The following B4GALT6 variants were observed in gnomAD, a reference collection of about 807,000 sequenced individuals.
The protein encoded by B4GALT6 is UDP-Gal:beta-GlcNAc beta-1,4-galactosyltransferase 6.
Under a neutral mutation model 46.3 loss-of-function variants are expected in B4GALT6, and 14 were observed. The ratio of observed to expected loss-of-function variants is 0.30; its 90% confidence interval spans 0.20 to 0.47. B4GALT6 has a LOEUF of 0.47. Ranked by LOEUF, B4GALT6 falls within the 20% of genes least tolerant of loss-of-function variation. The pLI is 0.99. For synonymous variants in B4GALT6, 168 were observed against 162.0 expected, an observed-to-expected ratio of 1.04 and a Z score of -0.28; for missense variants, 386 against 480.1, an observed-to-expected ratio of 0.80 and a Z score of 1.83.
At chr18:31,625,817 C>T in intron 8 of B4GALT6, 56 bp from the exon 9 acceptor site, 2 of 1,426,576 alleles carry the variant, frequency 1.4e-6, no homozygotes, top group Non-Finnish European at 1.9e-6. Context: ...AAAAGGAAAA[C>T]TGATAAGGAC....
Position 31,684,349 on chromosome 18 carries a change from C to G in B4GALT6, c.78G>C (p.Ser26=), listed in dbSNP as rs745989884. ...CCACATAGATGAAGTACAGACAGGA[C>G]GAAGAGAGGGAGAAGAAGAAGATGA... The part of the protein sequence containing the change: ...LAFIFFFSLS[S]SCLYFIYVAP... The change falls in exon 1 of 9, where the codon TCG becomes TCC. Residue 26 remains serine, a synonymous_variant. Coordinates refer to ENST00000306851, the MANE Select transcript of B4GALT6 (RefSeq NM_004775.5). 1.2e-6 allele frequency: 2 copies of G among 1,613,298 alleles called. No individual in the cohort carries two copies. Among genetic ancestry groups the G allele is most frequent in the Admixed American group, 3.3e-5 (2 of 59,946 alleles).
chr18:31,689,516 G>A (rs369661587), upstream of B4GALT6, among the ~76,000 whole-genome samples: 4 of 152,196 alleles, frequency 2.6e-5, no homozygotes, highest in Admixed American at 6.5e-5. Context: ...AGACCAAGGC[G>A]GGTGGATCAC....
At chr18:31,708,042 T>C in the B4GALT6 span, among the ~76,000 whole-genome samples, 7 of 152,334 alleles carry the variant, frequency 4.6e-5, no homozygotes, top group South Asian at 1.4e-3. Context: ...CATGAATCTA[T>C]CATGAGTTGA....
intron 1 of B4GALT6, among the ~76,000 whole-genome samples, chr18:31,669,054 C>G (rs2074317757): frequency 6.6e-6 from 1 of 151,140 alleles, no homozygotes; most frequent in African/African-American, 2.4e-5. Flanking sequence ...GACACCTGTT[C>G]CAATTCCTCT....
At position 31,638,742 on chromosome 18, in the gene B4GALT6, A is replaced by C; in HGVS notation, c.490T>G (p.Phe164Val). The C allele has an allele frequency of 6.2e-7, 1 of 1,613,622 alleles. No individual in the cohort carries two copies. The highest frequency in any genetic ancestry group is 1.1e-5 in the South Asian group (1 of 91,072). The change falls in exon 5 of 9, where the codon TTC becomes GTC. Residue 164 changes from phenylalanine (F) to valine (V), a missense_variant. This residue lies in a region of B4GALT6 where 323 missense variants were observed against 438.9 expected (regional missense o/e 0.74). Coordinates refer to ENST00000306851, the MANE Select transcript of B4GALT6 (RefSeq NM_004775.5). ...GGAAGATGTTCATGGCGATTACGGAAAGGAATGAGAACTGCCACCTTTAAA... is the reference window on the plus strand; with the variant it reads ...GGAAGATGTTCATGGCGATTACGGACAGGAATGAGAACTGCCACCTTTAAA... ...PRWKVAVLIP[F>V]RNRHEHLPIF...
Position 31,645,391 on chromosome 18 carries a change from A to T in B4GALT6, c.435T>A (p.Gly145=). Residue 145 remains glycine (G), a synonymous_variant, in exon 4 of 9, where the codon GGT becomes GGA. Coordinates refer to ENST00000306851, the MANE Select transcript of B4GALT6 (RefSeq NM_004775.5). The stretch of plus-strand genomic sequence containing the variant: ...GTTTACAGTCTTTTGGCCTCCAATG[A>T]CCCCCTGGCTCAATATCTAAATCCT... The part of the protein sequence containing the change: ...FSKDLDIEPG[G]HWRPKDCKPR... 1 of 1,613,756 alleles carries T rather than the reference A, an allele frequency of 6.2e-7. No homozygotes were observed. Among genetic ancestry groups the T allele is most frequent in the Non-Finnish European group, 8.5e-7 (1 of 1,179,894 alleles).
At chr18:31,674,393 T>G (rs1230182574) in intron 1 of B4GALT6, among the ~76,000 whole-genome samples, 2 of 152,176 alleles carry the variant, frequency 1.3e-5, no homozygotes, top group East Asian at 1.9e-4. Flanking sequence ...ATATGAGAGA[T>G]AAACCAGATT....
intron 1 of B4GALT6, among the ~76,000 whole-genome samples, chr18:31,682,628 T>C (rs1482279962): frequency 6.6e-6 from 1 of 152,160 alleles, no homozygotes; most frequent in African/African-American, 2.4e-5. Flanking sequence ...AAGGGATGAC[T>C]AGAATTCTGA....
At chr18:31,711,017 T>G in the B4GALT6 span, among the ~76,000 whole-genome samples, 6 of 152,186 alleles carry the variant, frequency 3.9e-5, no homozygotes, top group Non-Finnish European at 8.8e-5. Context: ...TAGAAGACCT[T>G]CTGTAATGCA....
rs145475664 is a variant in B4GALT6 at position 31,680,054 on chromosome 18, A to G, written c.115+4258T>C. Among the ~76,000 whole-genome samples the G allele has an allele frequency of 9.3e-4, 142 of 152,330 alleles. 1 individual carries two copies. In the East Asian group the frequency reaches 0.026, roughly 28 times the overall value. ...CTGTTACTCACAGGACAAAAAAAGC[A>G]TGGGACATGTGGCCAGTAAGGGAGG... is the stretch of plus-strand genomic sequence containing the variant. On this transcript the variant is annotated intron_variant, in intron 1 of 8. Coordinates refer to ENST00000306851, the MANE Select transcript of B4GALT6 (RefSeq NM_004775.5).
chr18:31,633,603 C>G (rs1273660313), intron 5 of B4GALT6, among the ~76,000 whole-genome samples: 1 of 152,176 alleles, frequency 6.6e-6, no homozygotes. Context: ...TCACCCTGCA[C>G]TTCCTTATTT....
the B4GALT6 span, among the ~76,000 whole-genome samples, chr18:31,713,082 A>G: frequency 1.3e-5 from 2 of 152,314 alleles, no homozygotes; most frequent in South Asian, 2.1e-4. Context: ...GCCAGGCACA[A>G]TGGCCCATGC....
chr18:31,626,251 A>G, intron 8 of B4GALT6, 32 bp downstream of exon 8: 1 of 1,264,188 alleles, frequency 7.9e-7, no homozygotes, highest in South Asian at 1.4e-5. Context: ...AGCTTTGGAA[A>G]CCTTGGTATC....
At chr18:31,706,733 T>C in the B4GALT6 span, among the ~76,000 whole-genome samples, 2 of 152,220 alleles carry the variant, frequency 1.3e-5, no homozygotes, top group African/African-American at 4.8e-5. Context: ...GTAACATTAA[T>C]AACCAGTAAC....
intron 2 of B4GALT6, among the ~76,000 whole-genome samples, chr18:31,662,138 C>T (rs2074224790): frequency 1.3e-5 from 2 of 152,334 alleles, no homozygotes; most frequent in Non-Finnish European, 1.5e-5. Context: ...CAAGAGTAAA[C>T]ATTCCATCAC....
the B4GALT6 span, among the ~76,000 whole-genome samples, chr18:31,694,739 T>A: frequency 1.3e-5 from 2 of 152,188 alleles, no homozygotes; most frequent in African/African-American, 2.4e-5. Context: ...GTTTTTGCTA[T>A]ATGATAGAAA....
At chr18:31,672,202 T>A (rs188160031) in intron 1 of B4GALT6, among the ~76,000 whole-genome samples, 5 of 152,328 alleles carry the variant, frequency 3.3e-5, no homozygotes, top group Non-Finnish European at 7.4e-5. Context: ...GATATCTCTG[T>A]TCCTAGCTGC....
At chr18:31,642,528 G>C (rs1160054863) in intron 4 of B4GALT6, among the ~76,000 whole-genome samples, 1 of 152,184 alleles carries the variant, frequency 6.6e-6, no homozygotes, top group Non-Finnish European at 1.5e-5. Context: ...CCCTCCATCT[G>C]AAATCTGAAT....
At chr18:31,700,645 A>G in the B4GALT6 span, among the ~76,000 whole-genome samples, 1 of 151,922 alleles carries the variant, frequency 6.6e-6, no homozygotes, top group African/African-American at 2.4e-5. Context: ...TTTAATAGAG[A>G]TGGGGTTTCA....
Sources: allele counts gnomAD v4.1 joint callset (sites outside exome capture counted in the v4.1 genomes callset), GRCh38; gene constraint gnomAD v4.1.1; regional missense constraint gnomAD v4.1.1; transcripts MANE v1.5; gene names NCBI Gene and HGNC (gene_info 2026-07-23, HGNC 2026-07-21).